DGKB: variants seen among roughly 807,000 people sequenced by gnomAD.
DGKB encodes the protein 90 kDa diacylglycerol kinase.
Under a neutral mutation model 114.3 loss-of-function variants are expected in DGKB, and 67 were observed. The observed-to-expected ratio is 0.59, with a 90% CI of 0.48 to 0.72. DGKB has a LOEUF of 0.72. DGKB is among the 30% of genes least tolerant of loss of function. The pLI is 0.00. For synonymous variants in DGKB, 398 were observed against 323.1 expected (o/e 1.23, Z -2.49); for missense variants, 907 against 975.2 (o/e 0.93, Z 0.93).
chr7:14,577,183 C>T (rs1040951058), intron 19 of DGKB, among the ~76,000 whole-genome samples: 1 of 151,888 alleles, frequency 6.6e-6, no homozygotes. Context: ...GTAATCAATC[C>T]AGGCTAAGAA....
chr7:14,220,091 C>A (rs1333416528), intron 23 of DGKB, among the ~76,000 whole-genome samples: 3 of 151,598 alleles, frequency 2.0e-5, no homozygotes, highest in Non-Finnish European at 4.4e-5. Flanking sequence ...ATGGGATAGT[C>A]TATTGCTCCC....
At chr7:14,569,731 C>T (rs1466573862) in intron 20 of DGKB, among the ~76,000 whole-genome samples, 2 of 151,892 alleles carry the variant, frequency 1.3e-5, no homozygotes, top group African/African-American at 4.8e-5. Context: ...TTTTGTCATA[C>T]ATATTTTAAA....
intron 1 of DGKB, among the ~76,000 whole-genome samples, chr7:14,846,985 G>A (rs564202569): frequency 6.6e-6 from 1 of 152,170 alleles, no homozygotes; most frequent in Non-Finnish European, 1.5e-5. Context: ...TTGAAGAGAA[G>A]TTAATAAACA....
intron 20 of DGKB, among the ~76,000 whole-genome samples, chr7:14,567,304 T>A (rs181418471): frequency 0.012 from 388 of 32,272 alleles, 8 homozygotes; most frequent in African/African-American, 0.027. Context: ...TATTTATATA[T>A]TATATATAAT....
chr7:14,702,059 G>A (rs973029615), intron 6 of DGKB, among the ~76,000 whole-genome samples: 1 of 152,072 alleles, frequency 6.6e-6, no homozygotes, highest in Admixed American at 6.6e-5. Flanking sequence ...TTCAAAGCCT[G>A]GGTATTAAAG....
chr7:14,574,126 A>C, intron 20 of DGKB, 86 bp downstream of exon 20: 1 of 1,039,014 alleles, frequency 9.6e-7, no homozygotes, highest in Non-Finnish European at 1.4e-6. Context: ...AGTTATTTAT[A>C]ATCAGTAAAT....
At chr7:14,743,164 G>C (rs1832798791) in intron 4 of DGKB, among the ~76,000 whole-genome samples, 1 of 152,108 alleles carries the variant, frequency 6.6e-6, no homozygotes, top group Non-Finnish European at 1.5e-5. Flanking sequence ...TTGTCTATAA[G>C]GTTTCATTAG....
In DGKB at chr7:14,772,302, T is replaced by C. The variant is rs145943424; in HGVS notation, c.71-14571A>G. Among the ~76,000 whole-genome samples the C allele has an allele frequency of 5.7e-3, 864 of 152,196 alleles. 5 individuals are homozygous for C. The highest frequency in any genetic ancestry group is 0.019 in the African/African-American group (810 of 41,540). The stretch of plus-strand genomic sequence containing the variant: ...CATTGACAGCAAGTAGGTACTCAAA[T>C]TGGTCAACTGGGCTATGAAAAGAAT... On this transcript the variant is annotated intron_variant, in intron 2 of 25. Coordinates refer to ENST00000402815, the MANE Select transcript of DGKB (RefSeq NM_001350709.2).
At chr7:14,296,492 C>T (rs928872670) in intron 23 of DGKB, among the ~76,000 whole-genome samples, 8 of 152,146 alleles carry the variant, frequency 5.3e-5, no homozygotes, top group East Asian at 1.9e-4. Flanking sequence ...TATAGTAGAA[C>T]GATTTATAAT....
intron 21 of DGKB, among the ~76,000 whole-genome samples, chr7:14,391,550 G>T (rs997461063): frequency 2.6e-5 from 4 of 151,906 alleles, no homozygotes; most frequent in African/African-American, 7.2e-5. Context: ...AATTAGCCCG[G>T]TGTGGTGGCA....
At chr7:14,493,496 T>G (rs1283700187) in intron 20 of DGKB, among the ~76,000 whole-genome samples, 1 of 152,052 alleles carries the variant, frequency 6.6e-6, no homozygotes, top group Non-Finnish European at 1.5e-5. Flanking sequence ...TGTACTGTAG[T>G]CACCCTACTT....
chr7:14,579,110 A>T (rs1381872504), intron 19 of DGKB, among the ~76,000 whole-genome samples: 4 of 152,114 alleles, frequency 2.6e-5, no homozygotes, highest in Non-Finnish European at 5.9e-5. Flanking sequence ...TCTATTATTC[A>T]TTCTTCTGAT....
chr7:14,436,764 C>A (rs1284779414), intron 21 of DGKB, among the ~76,000 whole-genome samples: 1 of 152,050 alleles, frequency 6.6e-6, no homozygotes, highest in Admixed American at 6.6e-5. Flanking sequence ...TACAGATAGT[C>A]TAGCCTTAGC....
At chr7:14,452,438 G>C (rs756050681) in intron 21 of DGKB, among the ~76,000 whole-genome samples, 2 of 152,036 alleles carry the variant, frequency 1.3e-5, no homozygotes, top group Admixed American at 6.6e-5. Flanking sequence ...ATTGCAAATT[G>C]TATCATTTAG....
chr7:14,493,927 C>CACAT (rs1784937848), intron 20 of DGKB, among the ~76,000 whole-genome samples: 2 of 132,160 alleles, frequency 1.5e-5, no homozygotes, highest in Non-Finnish European at 3.3e-5. Context: ...TGGTATCATA[C>CACAT]ACACACACAC....
At chr7:14,760,049 T>C (rs1021015522) in intron 2 of DGKB, among the ~76,000 whole-genome samples, 5 of 152,170 alleles carry the variant, frequency 3.3e-5, no homozygotes, top group Non-Finnish European at 5.9e-5. Flanking sequence ...TGGTCGTTTG[T>C]ATATTCTTTG....
At chr7:14,434,814 G>A (rs942651118) in intron 21 of DGKB, among the ~76,000 whole-genome samples, 25 of 152,176 alleles carry the variant, frequency 1.6e-4, no homozygotes, top group African/African-American at 6.0e-4. Context: ...TGGAAAGAAA[G>A]GGAACAAGAT....
At chr7:14,923,099 G>C (rs757694695) in intron 1 of DGKB, among the ~76,000 whole-genome samples, 1 of 152,188 alleles carries the variant, frequency 6.6e-6, no homozygotes, top group East Asian at 1.9e-4. Flanking sequence ...TACACAGTTT[G>C]AAGTTTTATT....
chr7:14,320,694 A>G (rs1278798172), intron 23 of DGKB, among the ~76,000 whole-genome samples: 1 of 152,028 alleles, frequency 6.6e-6, no homozygotes, highest in African/African-American at 2.4e-5. Context: ...GACCTATAAT[A>G]GAATCATTTT....
Sources: allele counts gnomAD v4.1 joint callset (sites outside exome capture counted in the v4.1 genomes callset), GRCh38; gene constraint gnomAD v4.1.1; transcripts MANE v1.5; gene names NCBI Gene and HGNC (gene_info 2026-07-23, HGNC 2026-07-21).